SLIT2: variants seen among roughly 807,000 people sequenced by gnomAD.
SLIT2 encodes the protein slit guidance ligand 2.
A neutral mutation model predicts 185.7 loss-of-function variants in SLIT2; 41 were observed. That is an observed-to-expected ratio of 0.22 (90% confidence interval 0.17 to 0.29). The LOEUF (loss-of-function observed/expected upper bound fraction) is 0.29. Among genes scored for constraint, SLIT2 ranks in the 10% least tolerant of loss-of-function variants. The probability of loss-of-function intolerance (pLI) is 1.00; values close to 1 mark genes in which losing one functional copy is unlikely to be tolerated. For synonymous variants in SLIT2, 693 were observed against 680.2 expected, an observed-to-expected ratio of 1.02 and a Z score of -0.29; for missense variants, 1,571 against 1,909.0, an observed-to-expected ratio of 0.82 and a Z score of 3.30.
chr4:20,561,108 A>G (rs1394643362), intron 26 of SLIT2, among the ~76,000 whole-genome samples: 1 of 151,870 alleles, frequency 6.6e-6, no homozygotes, highest in African/African-American at 2.4e-5. Context: ...CAAATGGAGT[A>G]TAACACAAAG....
At chr4:20,529,841 C>A (rs75746774) in intron 16 of SLIT2, among the ~76,000 whole-genome samples, 22 of 152,208 alleles carry the variant, frequency 1.4e-4, no homozygotes, top group African/African-American at 5.3e-4. Flanking sequence ...ACATCTTAGC[C>A]ATGTTTATAT....
At chr4:20,305,597 G>A (rs551118136) in intron 4 of SLIT2, among the ~76,000 whole-genome samples, 1 of 152,172 alleles carries the variant, frequency 6.6e-6, no homozygotes, top group African/African-American at 2.4e-5. Context: ...TCCTGACCGG[G>A]CATGGTGGCT....
intron 4 of SLIT2, among the ~76,000 whole-genome samples, chr4:20,400,047 A>G (rs1435689907): frequency 1.3e-5 from 2 of 151,800 alleles, no homozygotes. Context: ...AAGGATAGTA[A>G]CTTATGTACC....
Position 20,414,741 on chromosome 4 carries a change from T to C in SLIT2, c.396-53011T>C, listed in dbSNP as rs1016013465. The stretch of plus-strand genomic sequence containing the variant: ...TTTCGGATGAGAAGTAAACTATTAA[T>C]ATTCTTGAAGATCCCTTGTGAATGA... On this transcript the variant is annotated intron_variant, in intron 4 of 36. Transcript: ENST00000504154. Among the ~76,000 whole-genome samples, 4 of 152,190 alleles carry C rather than the reference T, an allele frequency of 2.6e-5. 1 individual carries two copies. The highest frequency in any genetic ancestry group is 4.1e-4 in the South Asian group (2 of 4,832).
chr4:20,355,866 G>A (rs1322547919), intron 4 of SLIT2, among the ~76,000 whole-genome samples: 1 of 152,040 alleles, frequency 6.6e-6, no homozygotes, highest in Non-Finnish European at 1.5e-5. Flanking sequence ...GAAAGAGATA[G>A]CAGTTTACTA....
chr4:20,494,531 C>T (rs2148801961), intron 9 of SLIT2, among the ~76,000 whole-genome samples: 1 of 152,206 alleles, frequency 6.6e-6, no homozygotes, highest in East Asian at 1.9e-4. Flanking sequence ...AATCCCAGCA[C>T]TTTGGGAGGC....
chr4:20,578,094 T>G (rs1479347099), intron 29 of SLIT2, among the ~76,000 whole-genome samples: 3 of 152,220 alleles, frequency 2.0e-5, no homozygotes, highest in Non-Finnish European at 4.4e-5. Flanking sequence ...TCTCTTTGCT[T>G]CCTTACATTG....
intron 21 of SLIT2, among the ~76,000 whole-genome samples, chr4:20,542,852 G>A (rs1400535549): frequency 9.6e-6 from 1 of 104,282 alleles, no homozygotes; most frequent in African/African-American, 4.3e-5. Flanking sequence ...GTGTGTGTGT[G>A]TGTGTGTGTG....
chr4:20,539,756 ACTAT>A (rs1457360704), intron 19 of SLIT2, among the ~76,000 whole-genome samples, 172 bp downstream of exon 19: 1 of 152,162 alleles, frequency 6.6e-6, no homozygotes, highest in Non-Finnish European at 1.5e-5. Context: ...AATATTACCT[ACTAT>A]CTTAGATTAA....
chr4:20,344,782 A>G (rs532942717), intron 4 of SLIT2, among the ~76,000 whole-genome samples: 13 of 152,210 alleles, frequency 8.5e-5, no homozygotes, highest in Non-Finnish European at 1.6e-4. Context: ...CTGTGGGTTA[A>G]GAGATACTAC....
chr4:20,268,751 C>T, intron 3 of SLIT2, 59 bp from the exon 4 acceptor site: 1 of 1,019,402 alleles, frequency 9.8e-7, no homozygotes, highest in South Asian at 1.3e-5. Context: ...TACCAAATCA[C>T]AGTCTCATTG....
At chr4:20,435,326 C>T (rs1200488178) in intron 4 of SLIT2, among the ~76,000 whole-genome samples, 1 of 152,196 alleles carries the variant, frequency 6.6e-6, no homozygotes, top group Non-Finnish European at 1.5e-5. Flanking sequence ...AAGGCACTAT[C>T]CTTAACTCCA....
At chr4:20,266,071 G>A (rs977867742) in intron 3 of SLIT2, among the ~76,000 whole-genome samples, 1 of 151,588 alleles carries the variant, frequency 6.6e-6, no homozygotes, top group Non-Finnish European at 1.5e-5. Flanking sequence ...TCTCAATAGT[G>A]ACCATCACCT....
intron 4 of SLIT2, among the ~76,000 whole-genome samples, chr4:20,333,799 T>G (rs1353513518): frequency 6.6e-6 from 1 of 152,168 alleles, no homozygotes; most frequent in African/African-American, 2.4e-5. Context: ...TGCTTTTATT[T>G]CATGTGTAAA....
intron 4 of SLIT2, among the ~76,000 whole-genome samples, chr4:20,381,930 T>C (rs1337432290): frequency 1.3e-5 from 2 of 149,630 alleles, no homozygotes; most frequent in African/African-American, 4.9e-5. Flanking sequence ...AATACATATG[T>C]ATTTATGCAT....
In SLIT2 at chr4:20,253,778, G is replaced by GCC. The variant is rs762911431; in HGVS notation, c.-34_-33dup. On this transcript the variant is annotated 5_prime_UTR_variant, in exon 1 of 37. Transcript: ENST00000504154. ...CCCTCGGAGCAGCAAGCTAAAGAAA[G>GCC]CCCCCAGTGCCGGCGAGGAAGGAGG... The GCC allele has an allele frequency of 6.3e-7, 1 of 1,590,970 alleles. No individual in the cohort carries two copies. The highest frequency in any genetic ancestry group is 1.3e-5 in the African/African-American group (1 of 74,804).
At chr4:20,381,915 GTATAAATACATATGTATTTA>G (rs1167559631) in intron 4 of SLIT2, among the ~76,000 whole-genome samples, 1 of 129,532 alleles carries the variant, frequency 7.7e-6, no homozygotes, top group Non-Finnish European at 1.8e-5. Flanking sequence ...ATATGTATTT[GTATAAATACATATGTATTTA>G]TGCATAAATA....
chr4:20,474,645 A>G (rs1489435936), intron 5 of SLIT2, among the ~76,000 whole-genome samples: 1 of 152,072 alleles, frequency 6.6e-6, no homozygotes, highest in Non-Finnish European at 1.5e-5. Context: ...GTGTCTTCTT[A>G]TGATACAGAA....
intron 4 of SLIT2, among the ~76,000 whole-genome samples, chr4:20,405,782 T>C (rs1213211896): frequency 6.6e-6 from 1 of 151,996 alleles, no homozygotes; most frequent in Non-Finnish European, 1.5e-5. Context: ...TAGAGGAATG[T>C]GGTATTTTTA....
Sources: allele counts gnomAD v4.1 joint callset (sites outside exome capture counted in the v4.1 genomes callset), GRCh38; gene constraint gnomAD v4.1.1; transcripts MANE v1.5; gene names NCBI Gene and HGNC (gene_info 2026-07-23, HGNC 2026-07-21).